The following MCCC2 variants were observed in gnomAD, a reference collection of about 807,000 sequenced individuals.
The protein encoded by MCCC2 is methylcrotonyl-CoA carboxylase subunit 2, also known as methylcrotonoyl-CoA carboxylase beta chain, mitochondrial.
In MCCC2, 52 loss-of-function variants were observed where a neutral mutation model predicts 77.2. That is an observed-to-expected ratio of 0.67 (90% CI 0.54 to 0.85). The LOEUF (loss-of-function observed/expected upper bound fraction) is 0.85. Ranked by LOEUF, MCCC2 falls within the 40% of genes least tolerant of loss-of-function variation. MCCC2 has a pLI of 0.00. For synonymous variants in MCCC2, 253 were observed against 248.4 expected (o/e 1.02, Z -0.18); for missense variants, 682 against 703.2 (o/e 0.97, Z 0.34).
chr5:71,639,434 T>G (rs1046889177), intron 10 of MCCC2, among the ~76,000 whole-genome samples: 1 of 152,072 alleles, frequency 6.6e-6, no homozygotes, highest in Non-Finnish European at 1.5e-5. Context: ...CAATCTCTGC[T>G]AGCTTCAAAT....
intron 2 of MCCC2, among the ~76,000 whole-genome samples, chr5:71,595,165 G>T (rs1299169337): frequency 1.3e-5 from 2 of 152,098 alleles, no homozygotes; most frequent in Non-Finnish European, 2.9e-5. Context: ...CTCCCAAAGT[G>T]CTGGGATTAC....
intron 6 of MCCC2, among the ~76,000 whole-genome samples, chr5:71,613,501 T>A (rs1282939712): frequency 6.6e-6 from 1 of 152,178 alleles, no homozygotes; most frequent in Non-Finnish European, 1.5e-5. Context: ...TTTTGTTTTT[T>A]AAAAAATATT....
At chr5:71,614,206 TATATG>T (rs1746074792) in intron 6 of MCCC2, among the ~76,000 whole-genome samples, 1 of 152,134 alleles carries the variant, frequency 6.6e-6, no homozygotes, top group Non-Finnish European at 1.5e-5. Context: ...CTTTCCTGAA[TATATG>T]AGCCTAAACC....
intron 1 of MCCC2, among the ~76,000 whole-genome samples, chr5:71,589,619 G>A (rs1428957155): frequency 8.5e-5 from 13 of 152,208 alleles, no homozygotes; most frequent in Non-Finnish European, 1.5e-5. Context: ...CATGAGGGTG[G>A]GGGAGAATGG....
Position 71,657,565 on chromosome 5 carries a change from T to C in MCCC2, c.*705T>C, listed in dbSNP as rs1233877913. ...CCTCAGCCTCCCAAGCAGCTGGGAC[T>C]ATAGGCACGCACCACCACACCCAGC... On this transcript the variant is annotated 3_prime_UTR_variant, in exon 17 of 17. Coordinates refer to ENST00000340941, the MANE Select transcript of MCCC2 (RefSeq NM_022132.5). 6.6e-6 allele frequency: 1 copy of C among 152,258 alleles called. No individual in the cohort carries two copies. Among genetic ancestry groups the C allele is most frequent in the Non-Finnish European group, 1.5e-5 (1 of 68,260 alleles). The allele number at this position is 152,258 out of a possible 1,614,324, so 9.4% of individuals were successfully genotyped here.
chr5:71,658,581 T>C lies in MCCC2; in HGVS notation c.*1721T>C, dbSNP rs1438150570. 1 of 152,230 alleles carries C rather than the reference T, an allele frequency of 6.6e-6. No homozygotes were observed. The highest frequency in any genetic ancestry group is 1.5e-5 in the Non-Finnish European group (1 of 68,038). The allele number at this position is 152,230 out of a possible 1,614,324, so 9.4% of individuals were successfully genotyped here. ...CACTTGTAGGTGCTCAAATATTCGT[T>C]GAATGAATGAAAAATCCATATTGTA... On this transcript the variant is annotated 3_prime_UTR_variant, in exon 17 of 17. Transcript: ENST00000340941.
intron 13 of MCCC2, among the ~76,000 whole-genome samples, chr5:71,648,225 A>G (rs1292767406): frequency 2.6e-5 from 4 of 152,316 alleles, no homozygotes; most frequent in South Asian, 4.1e-4. Context: ...GTGGCAGTCA[A>G]TGAGGCAGGT....
chr5:71,612,899 T>C (rs1746012802), intron 6 of MCCC2, among the ~76,000 whole-genome samples: 1 of 152,208 alleles, frequency 6.6e-6, no homozygotes, highest in Admixed American at 6.5e-5. Flanking sequence ...ATTTATTCTG[T>C]GAAGTTCTGG....
chr5:71,646,399 T>G, intron 13 of MCCC2, 122 bp downstream of exon 13: 1 of 832,576 alleles, frequency 1.2e-6, no homozygotes, highest in South Asian at 1.4e-5. Flanking sequence ...CTACTGGACA[T>G]GCTCTTTCTG....
At chr5:71,609,212 AC>A (rs1372829144) in intron 6 of MCCC2, among the ~76,000 whole-genome samples, 1 of 150,590 alleles carries the variant, frequency 6.6e-6, no homozygotes, top group Non-Finnish European at 1.5e-5. Flanking sequence ...CACCAATCAG[AC>A]GTAGATTTGG....
At chr5:71,613,280 C>T (rs946870168) in intron 6 of MCCC2, among the ~76,000 whole-genome samples, 4 of 152,208 alleles carry the variant, frequency 2.6e-5, no homozygotes, top group Non-Finnish European at 5.9e-5. Context: ...AGCCCTCTAT[C>T]ATCTAACATG....
Position 71,587,373 on chromosome 5 carries a change from A to C in MCCC2, c.-53A>C. Reference sequence around the variant, plus strand: ...CCCCAGCCAGGGAAGCGGCAGGGGAAAGCACCGGCTCCAGGCCAGCGTGGG... The same window carrying C: ...CCCCAGCCAGGGAAGCGGCAGGGGACAGCACCGGCTCCAGGCCAGCGTGGG... On this transcript the variant is annotated 5_prime_UTR_variant, in exon 1 of 17. Coordinates refer to ENST00000340941, the MANE Select transcript of MCCC2 (RefSeq NM_022132.5). 2.0e-6 allele frequency: 3 copies of C among 1,524,462 alleles called. No homozygotes were observed. The highest frequency in any genetic ancestry group is 2.6e-6 in the Non-Finnish European group (3 of 1,141,714). 94.4% of individuals were successfully genotyped at this position (1,524,462 alleles called of 1,614,324 possible).
At chr5:71,634,811 A>C in intron 8 of MCCC2, 132 bp from the exon 9 acceptor site, 1 of 773,206 alleles carries the variant, frequency 1.3e-6, no homozygotes, top group Non-Finnish European at 2.2e-6. Flanking sequence ...TTTATTAAAG[A>C]TGACAAATTT....
chr5:71,617,743 CTCCAAGG>C (rs1302449343), intron 6 of MCCC2, among the ~76,000 whole-genome samples: 1 of 152,176 alleles, frequency 6.6e-6, no homozygotes, highest in African/African-American at 2.4e-5. Context: ...TTGTTTTTCT[CTCCAAGG>C]TTGGTTTTTA....
chr5:71,592,838 G>GTTTTT, intron 1 of MCCC2, 88 bp from the exon 2 acceptor site: 3 of 822,532 alleles, frequency 3.6e-6, no homozygotes, highest in Non-Finnish European at 5.8e-6. Flanking sequence ...ACAGACCACT[G>GTTTTT]TTTTTTTTTT....
intron 2 of MCCC2, among the ~76,000 whole-genome samples, chr5:71,595,435 A>G (rs1745145160): frequency 6.6e-6 from 1 of 151,758 alleles, no homozygotes; most frequent in African/African-American, 2.4e-5. Context: ...TCTCAAAAAA[A>G]AAAAAAAAAA....
intron 1 of MCCC2, among the ~76,000 whole-genome samples, chr5:71,589,356 T>G (rs745445859): frequency 1.3e-5 from 2 of 152,254 alleles, no homozygotes; most frequent in Non-Finnish European, 2.9e-5. Flanking sequence ...TGATTTTGTT[T>G]TGTTTCTTAA....
At chr5:71,623,807 G>A (rs951328232) in intron 6 of MCCC2, among the ~76,000 whole-genome samples, 1 of 152,178 alleles carries the variant, frequency 6.6e-6, no homozygotes, top group Admixed American at 6.5e-5. Flanking sequence ...TTCCTTGGTT[G>A]TTGAGGAACT....
At chr5:71,592,421 T>C (rs980749722) in intron 1 of MCCC2, among the ~76,000 whole-genome samples, 4 of 152,000 alleles carry the variant, frequency 2.6e-5, no homozygotes, top group African/African-American at 9.7e-5. Context: ...AATAAGATCC[T>C]TTTTCTCCCT....
Sources: gnomAD v4.1 joint callset for allele counts (sites outside exome capture counted in the v4.1 genomes callset) on GRCh38, gnomAD v4.1.1 for gene constraint, MANE v1.5 for transcripts, NCBI Gene and HGNC (gene_info 2026-07-23, HGNC 2026-07-21) for gene names.